The following KCNH8 variants were observed in gnomAD, a reference collection of about 807,000 sequenced individuals.
KCNH8 encodes the protein potassium voltage-gated channel subfamily H member 8.
In KCNH8, 70 loss-of-function variants were observed where a neutral mutation model predicts 103.6. That is an observed-to-expected ratio of 0.68 (90% CI 0.56 to 0.82). KCNH8 has a LOEUF of 0.82. Ranked by LOEUF, KCNH8 falls within the 40% of genes least tolerant of loss-of-function variation. The probability of loss-of-function intolerance (pLI) is 0.00; values close to 1 mark genes in which losing one functional copy is unlikely to be tolerated. For missense variants in KCNH8, 1,217 were observed against 1,329.9 expected (o/e 0.92, Z 1.32); for synonymous variants, 498 against 489.4 (o/e 1.02, Z -0.23).
intron 11 of KCNH8, among the ~76,000 whole-genome samples, chr3:19,473,400 C>A (rs1387762281): frequency 6.6e-6 from 1 of 152,170 alleles, no homozygotes; most frequent in East Asian, 1.9e-4. Flanking sequence ...ATTTGACTTG[C>A]CTGCTCCCCT....
At chr3:19,465,206 A>G (rs990454056) in intron 11 of KCNH8, among the ~76,000 whole-genome samples, 4 of 152,172 alleles carry the variant, frequency 2.6e-5, no homozygotes, top group Admixed American at 2.6e-4. Context: ...ACTGATTCTC[A>G]TTAGGAGCTA....
At chr3:19,469,747 GA>G (rs1296944812) in intron 11 of KCNH8, among the ~76,000 whole-genome samples, 7 of 152,122 alleles carry the variant, frequency 4.6e-5, no homozygotes, top group African/African-American at 1.7e-4. Flanking sequence ...TGGTATTGAG[GA>G]AATAAAGATC....
intron 3 of KCNH8, among the ~76,000 whole-genome samples, chr3:19,319,569 C>T (rs1447258159): frequency 6.6e-6 from 1 of 151,850 alleles, no homozygotes; most frequent in Non-Finnish European, 1.5e-5. Context: ...TGACTGTGGC[C>T]TTATAGTGTA....
intron 1 of KCNH8, among the ~76,000 whole-genome samples, chr3:19,192,178 C>A (rs988114191): frequency 8.6e-5 from 13 of 151,496 alleles, no homozygotes; most frequent in African/African-American, 2.9e-4. Context: ...TAACCTTCAA[C>A]CGTTTATAGT....
chr3:19,171,791 A>G (rs1333095086), intron 1 of KCNH8, among the ~76,000 whole-genome samples: 6 of 152,236 alleles, frequency 3.9e-5, no homozygotes, highest in Non-Finnish European at 8.8e-5. Flanking sequence ...TGGGTTGACG[A>G]TATAAAGTGA....
chr3:19,337,865 T>C (rs774415551), intron 3 of KCNH8, among the ~76,000 whole-genome samples: 1 of 152,014 alleles, frequency 6.6e-6, no homozygotes, highest in Non-Finnish European at 1.5e-5. Context: ...CATTTGAAAG[T>C]TTAAAATCTT....
At chr3:19,369,246 A>G (rs17511437) in intron 5 of KCNH8, among the ~76,000 whole-genome samples, 3,890 of 152,070 alleles carry the variant, frequency 0.026, 64 homozygotes, top group Non-Finnish European at 0.041. Context: ...CTTGTTTGTC[A>G]AAGAGTGCTT....
intron 5 of KCNH8, among the ~76,000 whole-genome samples, chr3:19,348,298 C>T (rs2065754558): frequency 2.0e-5 from 3 of 152,038 alleles, no homozygotes; most frequent in Non-Finnish European, 2.9e-5. Context: ...ATGGGTTTGA[C>T]AAAAACCCAC....
chr3:19,314,451 T>G (rs1394500262), intron 3 of KCNH8, among the ~76,000 whole-genome samples: 1 of 151,936 alleles, frequency 6.6e-6, no homozygotes. Context: ...GCACCTATAG[T>G]CTTAGCTCCT....
intron 3 of KCNH8, among the ~76,000 whole-genome samples, chr3:19,312,700 T>C (rs1401218281): frequency 6.6e-6 from 1 of 151,952 alleles, no homozygotes; most frequent in Admixed American, 6.6e-5. Context: ...AGTATTATGA[T>C]GGATAAAATA....
At chr3:19,344,549 T>C (rs2065704032) in intron 4 of KCNH8, among the ~76,000 whole-genome samples, 1 of 152,072 alleles carries the variant, frequency 6.6e-6, no homozygotes, top group Non-Finnish European at 1.5e-5. Flanking sequence ...ACTCTAATAC[T>C]ACAGGTAATA....
intron 11 of KCNH8, among the ~76,000 whole-genome samples, chr3:19,482,287 G>A (rs1425523931): frequency 6.6e-6 from 1 of 152,178 alleles, no homozygotes; most frequent in Non-Finnish European, 1.5e-5. Context: ...CGGGCTGTCT[G>A]CCTGTGGATT....
At chr3:19,491,424 T>C (rs1170870014) in intron 11 of KCNH8, among the ~76,000 whole-genome samples, 1 of 152,184 alleles carries the variant, frequency 6.6e-6, no homozygotes, top group African/African-American at 2.4e-5. Flanking sequence ...TGAGAACATG[T>C]GGTATTTAGT....
At position 19,392,878 on chromosome 3, in the gene KCNH8, G is replaced by C. The variant is rs188125491; in HGVS notation, c.970-2226G>C. 2.6e-3 allele frequency among the ~76,000 whole-genome samples: 398 copies of C among 152,022 alleles called. 5 individuals are homozygous for C. Among genetic ancestry groups the C allele is most frequent in the African/African-American group, 9.1e-3 (377 of 41,492 alleles). ...ATTTACCATCTGAGTAACTTATTTG[G>C]GGAAGTTAACATTAAAATATCCATA... On this transcript the variant is annotated intron_variant, in intron 6 of 15. Coordinates refer to ENST00000328405, the MANE Select transcript of KCNH8 (RefSeq NM_144633.3).
chr3:19,267,878 T>A (rs963079265), intron 2 of KCNH8, among the ~76,000 whole-genome samples: 1 of 152,122 alleles, frequency 6.6e-6, no homozygotes, highest in Non-Finnish European at 1.5e-5. Context: ...TTCTCTTCTG[T>A]AATATGGCAA....
intron 1 of KCNH8, among the ~76,000 whole-genome samples, chr3:19,174,700 A>G (rs1420444113): frequency 5.3e-5 from 8 of 152,238 alleles, no homozygotes; most frequent in Admixed American, 5.2e-4. Context: ...TTATAAAAGT[A>G]AAGAATAAAT....
intron 1 of KCNH8, among the ~76,000 whole-genome samples, chr3:19,231,475 A>G (rs1324059332): frequency 6.6e-6 from 1 of 152,168 alleles, no homozygotes; most frequent in Non-Finnish European, 1.5e-5. Flanking sequence ...TTTATTTAGT[A>G]CTTTCTTATT....
chr3:19,226,243 T>A (rs2063930124), intron 1 of KCNH8, among the ~76,000 whole-genome samples: 1 of 152,214 alleles, frequency 6.6e-6, no homozygotes, highest in African/African-American at 2.4e-5. Flanking sequence ...CTACTACAGT[T>A]AGCTATTTTA....
intron 2 of KCNH8, among the ~76,000 whole-genome samples, chr3:19,258,933 C>CTA (rs2064383720): frequency 3.6e-5 from 3 of 83,532 alleles, no homozygotes; most frequent in African/African-American, 9.8e-5. Context: ...CTCTCTCTCT[C>CTA]TCTCTCTCTC....
Sources: gnomAD v4.1 joint callset for allele counts (sites outside exome capture counted in the v4.1 genomes callset) on GRCh38, gnomAD v4.1.1 for gene constraint, MANE v1.5 for transcripts, NCBI Gene and HGNC (gene_info 2026-07-23, HGNC 2026-07-21) for gene names.